AR: variants seen among roughly 807,000 people sequenced by gnomAD.
AR encodes dihydrotestosterone receptor.
In AR, 8 loss-of-function variants were observed where a neutral mutation model predicts 53.9. The ratio of observed to expected loss-of-function variants is 0.15; its 90% CI spans 0.09 to 0.27. The LOEUF is 0.27. Ranked by LOEUF, AR falls within the 10% of genes least tolerant of loss-of-function variation. The pLI, the probability that AR is intolerant of heterozygous loss-of-function variation, is 1.00. For synonymous variants in AR, 359 were observed against 316.4 expected (o/e 1.13, Z -1.43); for missense variants, 639 against 742.5 (o/e 0.86, Z 1.62).
chrX:67,725,940 C>T lies in AR; in HGVS notation c.*2099C>T, dbSNP rs2076155900. ...GGAAAATGTCCACCTACTTTCTCATCTTGGCCTCTGCCTCCTTACTTAGCT... is the reference window on the plus strand; with the variant it reads ...GGAAAATGTCCACCTACTTTCTCATTTTGGCCTCTGCCTCCTTACTTAGCT... On this transcript the variant is annotated 3_prime_UTR_variant, in exon 8 of 8. Transcript: ENST00000374690. The T allele has an allele frequency of 1.1e-5, 2 of 175,997 alleles. No individual in the cohort carries two copies. Among genetic ancestry groups the T allele is most frequent in the Non-Finnish European group, 2.2e-5 (2 of 91,842 alleles). 14.5% of individuals were successfully genotyped at this position (175,997 alleles called of 1,213,427 possible).
intron 1 of AR, among the ~76,000 whole-genome samples, chrX:67,567,474 C>T (rs984339350): frequency 1.8e-5 from 2 of 111,183 alleles, no homozygotes; most frequent in East Asian, 5.7e-4. Context: ...CTCCTGTTTC[C>T]CTAGTCTCCG....
rs770988211 is a variant in AR at position 67,546,231 on chromosome X, G to A, written c.1085G>A (p.Arg362His). 8.3e-7 allele frequency: 1 copy of A among 1,211,342 alleles called. No homozygotes were observed. Among genetic ancestry groups the A allele is most frequent in the South Asian group, 1.8e-5 (1 of 56,941 alleles). ...GACGAGGCAGCTGCGTACCAGAGTC[G>A]CGACTACTACAACTTTCCACTGGCT... ...ALDEAAAYQS[R>H]DYYNFPLALA... The change falls in exon 1 of 8, where the codon CGC becomes CAC. Residue 362 changes from arginine to histidine, a missense_variant. By Grantham distance (29) the Arg-to-His change is conservative (BLOSUM62 0). Around this residue, in one of 5 missense-constraint regions of AR, gnomAD observed 423 missense variants for 377.0 expected, o/e 1.12. Coordinates refer to ENST00000374690, the MANE Select transcript of AR (RefSeq NM_000044.6).
Position 67,729,866 on chromosome X carries a change from C to G in AR, c.*6025C>G, listed in dbSNP as rs2076172702. On this transcript the variant is annotated 3_prime_UTR_variant, in exon 8 of 8. Coordinates refer to ENST00000374690, the MANE Select transcript of AR (RefSeq NM_000044.6). ...AGGTGACAGGCCAGATTTGCATTAT[C>G]TCACAACCTTAGCCCTTGGTGCTAA... is the stretch of plus-strand genomic sequence containing the variant. 1 of 172,146 alleles carries G rather than the reference C, an allele frequency of 5.8e-6. No homozygotes were observed. The highest frequency in any genetic ancestry group is 3.0e-5 in the African/African-American group (1 of 33,504). The allele number at this position is 172,146 out of a possible 1,213,427, so 14.2% of individuals were successfully genotyped here. A position where few individuals can be genotyped will look rare whatever the true frequency, so the allele number is the denominator to read the frequency against.
chrX:67,676,025 G>T (rs1174886857), intron 2 of AR, among the ~76,000 whole-genome samples: 4 of 112,043 alleles, frequency 3.6e-5, no homozygotes, highest in Non-Finnish European at 7.5e-5. Context: ...CTGTAAAAGA[G>T]AAATAATATA....
At chrX:67,616,848 C>G (rs1459451175) in intron 1 of AR, among the ~76,000 whole-genome samples, 1 of 110,989 alleles carries the variant, frequency 9.0e-6, no homozygotes, top group African/African-American at 3.3e-5. Flanking sequence ...GACAAATGGA[C>G]CAGCAAACAC....
At chrX:67,610,597 C>T (rs1410653128) in intron 1 of AR, among the ~76,000 whole-genome samples, 1 of 111,007 alleles carries the variant, frequency 9.0e-6, no homozygotes, top group Non-Finnish European at 1.9e-5. Context: ...ATTCCTGTTA[C>T]ACTATAATTA....
At chrX:67,624,444 T>C (rs1010286289) in intron 1 of AR, among the ~76,000 whole-genome samples, 2 of 111,728 alleles carry the variant, frequency 1.8e-5, no homozygotes, top group Non-Finnish European at 3.8e-5. Flanking sequence ...TACTATCAAA[T>C]ATTTAAGGAA....
At chrX:67,551,934 A>C (rs1327134992) in intron 1 of AR, among the ~76,000 whole-genome samples, 1 of 111,994 alleles carries the variant, frequency 8.9e-6, no homozygotes, top group African/African-American at 3.2e-5. Flanking sequence ...GCTCATCTCG[A>C]TAAATTTATA....
chrX:67,658,650 G>A (rs1926705077), intron 2 of AR, among the ~76,000 whole-genome samples: 1 of 111,590 alleles, frequency 9.0e-6, no homozygotes, highest in African/African-American at 3.3e-5. Context: ...AGGGAGAGAT[G>A]TGTGAGTTCT....
chrX:67,564,698 G>A (rs1921479596), intron 1 of AR, among the ~76,000 whole-genome samples: 1 of 111,418 alleles, frequency 9.0e-6, no homozygotes, highest in African/African-American at 3.3e-5. Flanking sequence ...CAGGTTGATG[G>A]GTTCATTTAA....
At chrX:67,638,697 A>T (rs1394491214) in intron 1 of AR, among the ~76,000 whole-genome samples, 1 of 111,756 alleles carries the variant, frequency 8.9e-6, no homozygotes, top group African/African-American at 3.3e-5. Flanking sequence ...AATTTGTTTA[A>T]GTTCATTGCA....
At chrX:67,590,948 A>G (rs1398268581) in intron 1 of AR, among the ~76,000 whole-genome samples, 2 of 112,336 alleles carry the variant, frequency 1.8e-5, no homozygotes, top group East Asian at 2.8e-4. Context: ...GGATAACAAT[A>G]AGCCTGTATG....
In AR at chrX:67,727,743, G is replaced by A. The variant is rs2076163490; in HGVS notation, c.*3902G>A. 3 of 171,649 alleles carry A rather than the reference G, an allele frequency of 1.7e-5. No homozygotes were observed. The highest frequency in any genetic ancestry group is 8.9e-5 in the African/African-American group (3 of 33,764). 14.1% of individuals were successfully genotyped at this position (171,649 alleles called of 1,213,427 possible). A position where few individuals can be genotyped will look rare whatever the true frequency, so the allele number is the denominator to read the frequency against. On this transcript the variant is annotated 3_prime_UTR_variant, in exon 8 of 8. Transcript: ENST00000374690. Reference sequence around the variant, plus strand: ...CCTGCATAGCCCTGGAAAAATAAGAGGCTGACTGTCTACGAATTATCTTGT... The same window carrying A: ...CCTGCATAGCCCTGGAAAAATAAGAAGCTGACTGTCTACGAATTATCTTGT...
rs1476120222 is a variant in AR at position 67,722,995 on chromosome X, G to A, written c.2607+11G>A. On this transcript the variant is annotated intron_variant, in intron 7 of 7. Transcript: ENST00000374690. ...GACTCCGTGCAGCCTGTAAGCAAAC[G>A]ATGGAGGGTGCTTTATCAGGGAGAA... The A allele has an allele frequency of 1.5e-5, 18 of 1,210,652 alleles. No homozygotes were observed. The highest frequency in any genetic ancestry group is 2.2e-5 in the Admixed American group (1 of 46,002).
chrX:67,603,905 GGT>G (rs1358763290), intron 1 of AR, among the ~76,000 whole-genome samples: 1 of 110,857 alleles, frequency 9.0e-6, no homozygotes, highest in Non-Finnish European at 1.9e-5. Context: ...ATGTTTTAGA[GGT>G]GTCATAGAGA....
chrX:67,579,232 G>A (rs948480535), intron 1 of AR, among the ~76,000 whole-genome samples: 2 of 111,477 alleles, frequency 1.8e-5, no homozygotes, highest in Non-Finnish European at 3.8e-5. Context: ...TATCCTTTTA[G>A]CGACTTGCCT....
At chrX:67,625,091 G>T (rs1386792993) in intron 1 of AR, among the ~76,000 whole-genome samples, 1 of 109,986 alleles carries the variant, frequency 9.1e-6, no homozygotes, top group Non-Finnish European at 1.9e-5. Context: ...CAAGATTAAT[G>T]TGCAAAAATC....
At chrX:67,605,899 G>A (rs145789615) in intron 1 of AR, among the ~76,000 whole-genome samples, 153 of 112,107 alleles carry the variant, frequency 1.4e-3, no homozygotes, top group African/African-American at 4.6e-3. Flanking sequence ...CAGATCATTG[G>A]CATTGCTTTA....
At chrX:67,652,596 G>T (rs1046170175) in intron 2 of AR, among the ~76,000 whole-genome samples, 2 of 111,775 alleles carry the variant, frequency 1.8e-5, no homozygotes, top group Non-Finnish European at 3.8e-5. Flanking sequence ...GCCATTTCTA[G>T]TTTTCTGTCT....
Sources: gnomAD v4.1 joint callset for allele counts (sites outside exome capture counted in the v4.1 genomes callset) on GRCh38, gnomAD v4.1.1 for gene constraint, gnomAD v4.1.1 regional missense constraint, MANE v1.5 for transcripts, NCBI Gene and HGNC (gene_info 2026-07-23, HGNC 2026-07-21) for gene names.